The following ABHD17C variants were observed in gnomAD, a reference collection of about 807,000 sequenced individuals.
ABHD17C encodes the protein alpha/beta hydrolase domain-containing protein 17C.
ABHD17C carries 11 observed loss-of-function variants against 27.9 expected under a neutral mutation model. The ratio of observed to expected loss-of-function variants is 0.39; its 90% CI spans 0.25 to 0.65. The LOEUF is 0.65. ABHD17C is among the 30% of genes least tolerant of loss of function. The pLI, the probability that ABHD17C is intolerant of heterozygous loss-of-function variation, is 0.45. For missense variants in ABHD17C, 280 were observed against 470.2 expected, an observed-to-expected ratio of 0.60 and a Z score of 3.74; for synonymous variants, 233 against 209.1, an observed-to-expected ratio of 1.11 and a Z score of -0.98.
At chr15:80,707,628 T>C (rs77846195) in intron 1 of ABHD17C, among the ~76,000 whole-genome samples, 3,130 of 151,846 alleles carry the variant, frequency 0.021, 99 homozygotes, top group East Asian at 0.099. Flanking sequence ...GAATTTGTGT[T>C]GGGCCACACC....
At chr15:80,714,430 G>A (rs1412119470) in intron 1 of ABHD17C, among the ~76,000 whole-genome samples, 1 of 152,134 alleles carries the variant, frequency 6.6e-6, no homozygotes, top group African/African-American at 2.4e-5. Flanking sequence ...AGAAACTTAG[G>A]ACCATGATAG....
chr15:80,752,081 A>G (rs1480218231), intron 2 of ABHD17C, among the ~76,000 whole-genome samples: 1 of 152,204 alleles, frequency 6.6e-6, no homozygotes, highest in Non-Finnish European at 1.5e-5. Flanking sequence ...GGATCGGATG[A>G]TGGAAGTCAA....
intron 1 of ABHD17C, among the ~76,000 whole-genome samples, chr15:80,715,046 G>A (rs1894784719): frequency 6.6e-6 from 1 of 152,188 alleles, no homozygotes; most frequent in African/African-American, 2.4e-5. Flanking sequence ...CTCCCAAAGT[G>A]CTGGGATTAC....
chr15:80,708,797 T>C (rs1373136612), intron 1 of ABHD17C, among the ~76,000 whole-genome samples: 1 of 152,212 alleles, frequency 6.6e-6, no homozygotes, highest in Non-Finnish European at 1.5e-5. Context: ...CAAACTTTAG[T>C]GTAAGAATTA....
intron 2 of ABHD17C, among the ~76,000 whole-genome samples, chr15:80,750,458 G>A (rs979512002): frequency 2.0e-5 from 3 of 152,204 alleles, no homozygotes; most frequent in Non-Finnish European, 4.4e-5. Context: ...CCCAGCTCAT[G>A]TTGCCATTTT....
chr15:80,711,154 C>T (rs998156498), intron 1 of ABHD17C, among the ~76,000 whole-genome samples: 1 of 152,128 alleles, frequency 6.6e-6, no homozygotes, highest in Admixed American at 6.5e-5. Flanking sequence ...GCTTCTGTGC[C>T]AAAATCACCC....
Position 80,720,920 on chromosome 15 carries a change from C to CA in ABHD17C, c.590+24917dup, listed in dbSNP as rs563220446. Among the ~76,000 whole-genome samples, 446 of 121,568 alleles carry CA rather than the reference C, an allele frequency of 3.7e-3. 4 individuals are homozygous for CA. Among genetic ancestry groups the CA allele is most frequent in the African/African-American group, 9.6e-3 (304 of 31,648 alleles). The allele number at this position is 121,568 out of a possible 152,430, so 79.8% of individuals were successfully genotyped here. On this transcript the variant is annotated intron_variant, in intron 1 of 2. Coordinates refer to ENST00000258884, the MANE Select transcript of ABHD17C (RefSeq NM_021214.2). ...TGGGCAACAGAGTGAGACTCTGTCT[C>CA]AAAAAAAAAAAAAAAATATTAATTT... is the stretch of plus-strand genomic sequence containing the variant.
intron 1 of ABHD17C, among the ~76,000 whole-genome samples, chr15:80,739,166 T>C (rs190534949): frequency 8.5e-5 from 13 of 152,334 alleles, no homozygotes; most frequent in Admixed American, 5.2e-4. Context: ...CAGATATTTA[T>C]TAAGCACCTT....
chr15:80,753,814 A>G (rs796738308), intron 2 of ABHD17C, among the ~76,000 whole-genome samples: 4 of 152,236 alleles, frequency 2.6e-5, no homozygotes, highest in South Asian at 2.1e-4. Context: ...AAAAAAATAA[A>G]GCAAGAAAAA....
At chr15:80,746,097 C>G (rs768756454) in intron 1 of ABHD17C, among the ~76,000 whole-genome samples, 2 of 152,200 alleles carry the variant, frequency 1.3e-5, no homozygotes, top group Admixed American at 1.3e-4. Flanking sequence ...CTTGCCAACA[C>G]TTAATATTGT....
chr15:80,751,249 A>G (rs142705110), intron 2 of ABHD17C, among the ~76,000 whole-genome samples: 385 of 152,242 alleles, frequency 2.5e-3, no homozygotes, highest in Middle Eastern at 0.01. Context: ...AATCCCAGCT[A>G]CTGGGGAGGC....
intron 1 of ABHD17C, chr15:80,704,681 C>A (rs1035079165): frequency 7.9e-5 from 12 of 152,154 alleles, no homozygotes; most frequent in African/African-American, 2.9e-4. Context: ...GATGCTGTCA[C>A]TTCTGTGCCT....
intron 2 of ABHD17C, among the ~76,000 whole-genome samples, chr15:80,753,218 A>G (rs982340220): frequency 6.6e-6 from 1 of 151,852 alleles, no homozygotes; most frequent in South Asian, 2.1e-4. Context: ...TCTAAAAGTA[A>G]TATAAAGATA....
At position 80,695,346 on chromosome 15, in the gene ABHD17C, C is replaced by T. The variant is rs1894474681; in HGVS notation, c.-84C>T. The stretch of plus-strand genomic sequence containing the variant: ...GCCCTCCGCGCTCGCCTGCCAGCTC[C>T]CTCGCCGCGCGTCCGTCCTCCGTCC... On this transcript the variant is annotated 5_prime_UTR_variant, in exon 1 of 3. Coordinates refer to ENST00000258884, the MANE Select transcript of ABHD17C (RefSeq NM_021214.2). This position sits in a 1 kb window ranked among gnomAD's most constrained non-coding sequence, Gnocchi z 4.3. 4 of 964,860 alleles carry T rather than the reference C, an allele frequency of 4.1e-6. No homozygotes were observed. The highest frequency in any genetic ancestry group is 5.1e-6 in the Non-Finnish European group (4 of 777,446). 59.8% of individuals were successfully genotyped at this position (964,860 alleles called of 1,614,324 possible). A position where few individuals can be genotyped will look rare whatever the true frequency, so the allele number is the denominator to read the frequency against.
At chr15:80,711,466 C>T (rs1894727705) in intron 1 of ABHD17C, among the ~76,000 whole-genome samples, 1 of 152,172 alleles carries the variant, frequency 6.6e-6, no homozygotes, top group African/African-American at 2.4e-5. Context: ...AGGTGATTTC[C>T]CATAGGAGGC....
chr15:80,752,703 GA>G (rs1895380815), intron 2 of ABHD17C, among the ~76,000 whole-genome samples: 1 of 152,190 alleles, frequency 6.6e-6, no homozygotes, highest in Non-Finnish European at 1.5e-5. Context: ...ATCAAATATG[GA>G]AAGAGAAGTA....
chr15:80,711,570 C>T lies in ABHD17C; in HGVS notation c.590+15551C>T, dbSNP rs181298711. Among the ~76,000 whole-genome samples the T allele has an allele frequency of 1.2e-3, 186 of 152,276 alleles. 1 individual carries two copies. The highest frequency in any genetic ancestry group is 4.3e-3 in the African/African-American group (179 of 41,560). ...TCCAAAAAAAACCCTCCTACTGACT[C>T]GGTGTGGACTAGTGTTTCTTGATTT... is the stretch of plus-strand genomic sequence containing the variant. On this transcript the variant is annotated intron_variant, in intron 1 of 2. Transcript: ENST00000258884.
At chr15:80,714,534 A>C (rs1041895672) in intron 1 of ABHD17C, among the ~76,000 whole-genome samples, 8 of 152,240 alleles carry the variant, frequency 5.3e-5, no homozygotes, top group African/African-American at 1.9e-4. Flanking sequence ...CTAAAATTAG[A>C]AAATATTCAC....
chr15:80,719,307 T>A (rs2141501483), intron 1 of ABHD17C, among the ~76,000 whole-genome samples: 1 of 152,336 alleles, frequency 6.6e-6, no homozygotes, highest in African/African-American at 2.4e-5. Context: ...CTTTTACTAT[T>A]TCCAGTGTTT....
Sources: allele counts gnomAD v4.1 joint callset (sites outside exome capture counted in the v4.1 genomes callset), GRCh38; gene constraint gnomAD v4.1.1; non-coding constraint Gnocchi (gnomAD v3.1); transcripts MANE v1.5; gene names NCBI Gene and HGNC (gene_info 2026-07-23, HGNC 2026-07-21).